HHAT: variants seen among roughly 807,000 people sequenced by gnomAD.
The protein encoded by HHAT is protein-cysteine N-palmitoyltransferase HHAT.
HHAT carries 47 observed loss-of-function variants against 70.8 expected under a neutral mutation model. That is an observed-to-expected ratio of 0.66 (90% CI 0.53 to 0.85). HHAT has a LOEUF of 0.85. Ranked by LOEUF, HHAT falls within the 40% of genes least tolerant of loss-of-function variation. HHAT has a pLI of 0.00. For synonymous variants in HHAT, 228 were observed against 247.6 expected (o/e 0.92, Z 0.74); for missense variants, 609 against 604.8 (o/e 1.01, Z -0.07).
In HHAT at chr1:210,675,957, C is replaced by CAG. The variant is rs1681010588; in HGVS notation, c.*1579_*1580dup. The CAG allele has an allele frequency of 6.6e-6, 1 of 152,120 alleles. No homozygotes were observed. The highest frequency in any genetic ancestry group is 1.5e-5 in the Non-Finnish European group (1 of 68,028). The allele number at this position is 152,120 out of a possible 1,614,324, so 9.4% of individuals were successfully genotyped here. A position where few individuals can be genotyped will look rare whatever the true frequency, so the allele number is the denominator to read the frequency against. On this transcript the variant is annotated 3_prime_UTR_variant, in exon 12 of 12. Transcript: ENST00000261458. ...GGAGGAGTGAGCACCTAAATGAACG[C>CAG]AGTAAACCTTCATGGACCAACAGTG...
intron 8 of HHAT, among the ~76,000 whole-genome samples, chr1:210,496,912 C>T (rs2094655675): frequency 6.6e-6 from 1 of 152,192 alleles, no homozygotes; most frequent in Non-Finnish European, 1.5e-5. Flanking sequence ...TACCTTTTAC[C>T]TATCTGGTCA....
chr1:210,568,512 A>G (rs1039752831), intron 9 of HHAT, among the ~76,000 whole-genome samples: 1 of 152,236 alleles, frequency 6.6e-6, no homozygotes, highest in Non-Finnish European at 1.5e-5. Flanking sequence ...GGCAAAATGC[A>G]CAAAGCAAGG....
chr1:210,358,108 AGCCC>A (rs1227048583), intron 2 of HHAT, among the ~76,000 whole-genome samples: 1 of 152,214 alleles, frequency 6.6e-6, no homozygotes, highest in Admixed American at 6.5e-5. Flanking sequence ...TTTGTGGGCA[AGCCC>A]TAGTGTTAGA....
intron 10 of HHAT, among the ~76,000 whole-genome samples, chr1:210,598,176 C>T (rs970630004): frequency 6.6e-6 from 1 of 151,988 alleles, no homozygotes; most frequent in Non-Finnish European, 1.5e-5. Flanking sequence ...CCCTATCTTA[C>T]TGTGGCTGAG....
chr1:210,427,268 C>A (rs1238310496), intron 7 of HHAT, among the ~76,000 whole-genome samples: 1 of 151,612 alleles, frequency 6.6e-6, no homozygotes, highest in Non-Finnish European at 1.5e-5. Flanking sequence ...TAAACCAATT[C>A]CTGGATTCAC....
chr1:210,476,217 A>G lies in HHAT; in HGVS notation c.1007+11562A>G, dbSNP rs561127182. On this transcript the variant is annotated intron_variant, in intron 8 of 11. Coordinates refer to ENST00000261458, the MANE Select transcript of HHAT (RefSeq NM_018194.6). ...CAGACAACATTTGTTTTGTGTTGCT[A>G]TGCAGACCTACTGTCATCTTTATTC... is the stretch of plus-strand genomic sequence containing the variant. 2.0e-5 allele frequency among the ~76,000 whole-genome samples: 3 copies of G among 152,232 alleles called. No individual in the cohort carries two copies. The South Asian group carries it at 6.2e-4, about 32-fold the overall frequency.
At chr1:210,330,883 A>G (rs1490925765) in intron 1 of HHAT, among the ~76,000 whole-genome samples, 1 of 152,208 alleles carries the variant, frequency 6.6e-6, no homozygotes, top group Non-Finnish European at 1.5e-5. Flanking sequence ...CAGTGGCACG[A>G]TACTGGCTCA....
intron 9 of HHAT, among the ~76,000 whole-genome samples, chr1:210,585,001 T>G (rs1191400318): frequency 6.6e-6 from 1 of 152,224 alleles, no homozygotes; most frequent in Non-Finnish European, 1.5e-5. Context: ...ATGGTCCTGT[T>G]TTTGCACAAA....
At chr1:210,672,805 G>A (rs577722041) in intron 11 of HHAT, among the ~76,000 whole-genome samples, 55 of 152,316 alleles carry the variant, frequency 3.6e-4, no homozygotes, top group African/African-American at 1.3e-3. Flanking sequence ...TATTTGTAGA[G>A]GGAATCACTA....
At chr1:210,386,007 C>T (rs1431813652) in intron 3 of HHAT, among the ~76,000 whole-genome samples, 2 of 152,126 alleles carry the variant, frequency 1.3e-5, no homozygotes, top group African/African-American at 4.8e-5. Context: ...ACCTTGCACT[C>T]ATAGTCTGTT....
intron 10 of HHAT, among the ~76,000 whole-genome samples, chr1:210,619,567 G>A (rs1668442126): frequency 6.6e-6 from 1 of 152,150 alleles, no homozygotes; most frequent in Admixed American, 6.5e-5. Flanking sequence ...GATGAATGTA[G>A]GGGAGAACAA....
At chr1:210,371,148 T>A (rs1476921516) in intron 3 of HHAT, among the ~76,000 whole-genome samples, 1 of 152,114 alleles carries the variant, frequency 6.6e-6, no homozygotes, top group Non-Finnish European at 1.5e-5. Flanking sequence ...ATGGGTTTCT[T>A]TTTTTTCTTA....
chr1:210,441,246 T>C (rs2093500403), intron 7 of HHAT, among the ~76,000 whole-genome samples: 1 of 152,236 alleles, frequency 6.6e-6, no homozygotes. Context: ...AATGCCCATG[T>C]TGATTTTAGA....
At chr1:210,460,741 A>AGG (rs1272163667) in intron 7 of HHAT, among the ~76,000 whole-genome samples, 2 of 152,186 alleles carry the variant, frequency 1.3e-5, no homozygotes, top group Non-Finnish European at 2.9e-5. Flanking sequence ...CAAGAAAAGA[A>AGG]GGAGGGGTAG....
chr1:210,633,334 A>G (rs1671238927), intron 11 of HHAT, among the ~76,000 whole-genome samples: 1 of 152,242 alleles, frequency 6.6e-6, no homozygotes, highest in South Asian at 2.1e-4. Flanking sequence ...ACATTCCAAC[A>G]GTGTGAAGTG....
intron 7 of HHAT, among the ~76,000 whole-genome samples, chr1:210,428,322 ATATATATATATATATATATATAT>A (rs1558497777): frequency 9.6e-5 from 4 of 41,538 alleles, no homozygotes; most frequent in Non-Finnish European, 1.8e-4. Flanking sequence ...ATATATATAT[ATATATATATATATATATATATAT>A]AATTTTGTAG....
chr1:210,627,002 G>A (rs1669955145), intron 11 of HHAT, among the ~76,000 whole-genome samples: 1 of 152,184 alleles, frequency 6.6e-6, no homozygotes, highest in African/African-American at 2.4e-5. Flanking sequence ...AGGAAATAGA[G>A]TGAAGCGAGT....
At chr1:210,447,501 G>A (rs1055416341) in intron 7 of HHAT, among the ~76,000 whole-genome samples, 2 of 152,160 alleles carry the variant, frequency 1.3e-5, no homozygotes, top group Admixed American at 6.5e-5. Context: ...AGATTTTGCC[G>A]ATCAGAAAGG....
intron 8 of HHAT, among the ~76,000 whole-genome samples, chr1:210,506,741 C>T (rs976638208): frequency 6.6e-6 from 1 of 152,110 alleles, no homozygotes; most frequent in African/African-American, 2.4e-5. Context: ...TACTTTTTAG[C>T]CTCTTCTATG....
Sources: gnomAD v4.1 joint callset for allele counts (sites outside exome capture counted in the v4.1 genomes callset) on GRCh38, gnomAD v4.1.1 for gene constraint, MANE v1.5 for transcripts, NCBI Gene and HGNC (gene_info 2026-07-23, HGNC 2026-07-21) for gene names.